RBMS3: variants seen among roughly 807,000 people sequenced by gnomAD.
The protein encoded by RBMS3 is RNA binding motif single stranded interacting protein 3.
In RBMS3, 27 loss-of-function variants were observed where a neutral mutation model predicts 66.8. The observed-to-expected ratio is 0.40, with a 90% confidence interval of 0.30 to 0.56. RBMS3 has a LOEUF of 0.56. Ranked by LOEUF, RBMS3 falls within the 20% of genes least tolerant of loss-of-function variation. The pLI is 0.40. For synonymous variants in RBMS3, 188 were observed against 183.0 expected (o/e 1.03, Z -0.22); for missense variants, 513 against 549.5 (o/e 0.93, Z 0.66).
chr3:29,517,284 T>C (rs1379819433), intron 3 of RBMS3, among the ~76,000 whole-genome samples: 1 of 136,382 alleles, frequency 7.3e-6, no homozygotes, highest in African/African-American at 3.2e-5. Flanking sequence ...TGTGTGTGTG[T>C]GTGTGTGTGT....
chr3:29,739,779 G>C lies in RBMS3; in HGVS notation c.459G>C (p.Glu153Asp). ...YISNLPISMD[E>D]QELENMLKPF... Reference sequence around the variant, plus strand: ...CAAATCTCCCCATTTCTATGGATGAGCAGGAGCTTGAGAATATGCTGAAAC... The same window carrying C: ...CAAATCTCCCCATTTCTATGGATGACCAGGAGCTTGAGAATATGCTGAAAC... Residue 153 changes from glutamate to aspartate, a missense_variant, in exon 5 of 15, where the codon GAG becomes GAC. Transcript: ENST00000383767. The C allele has an allele frequency of 6.2e-7, 1 of 1,613,164 alleles. No individual in the cohort carries two copies. Among genetic ancestry groups the C allele is most frequent in the Non-Finnish European group, 8.5e-7 (1 of 1,179,372 alleles).
At chr3:29,525,119 A>C (rs1273507218) in intron 3 of RBMS3, among the ~76,000 whole-genome samples, 1 of 152,108 alleles carries the variant, frequency 6.6e-6, no homozygotes, top group East Asian at 1.9e-4. Flanking sequence ...AAATACATTT[A>C]CCTTTTTTTC....
chr3:29,663,508 C>T (rs1367612419), intron 4 of RBMS3, among the ~76,000 whole-genome samples: 1 of 152,122 alleles, frequency 6.6e-6, no homozygotes, highest in African/African-American at 2.4e-5. Flanking sequence ...ATTCTTCTTA[C>T]AATTTGATAG....
At chr3:29,882,385 G>A (rs1446515043) in intron 7 of RBMS3, among the ~76,000 whole-genome samples, 1 of 152,072 alleles carries the variant, frequency 6.6e-6, no homozygotes, top group African/African-American at 2.4e-5. Flanking sequence ...CCCCCAGCTT[G>A]TCATATTATC....
intron 4 of RBMS3, among the ~76,000 whole-genome samples, chr3:29,701,687 C>A (rs114220032): frequency 6.6e-6 from 1 of 152,136 alleles, no homozygotes; most frequent in African/African-American, 2.4e-5. Flanking sequence ...GCCGGCGCCA[C>A]CGGCCTTGGG....
chr3:29,570,309 T>C (rs901425140), intron 3 of RBMS3, among the ~76,000 whole-genome samples: 9 of 152,164 alleles, frequency 5.9e-5, no homozygotes, highest in African/African-American at 2.2e-4. Context: ...TTCAAGCATT[T>C]ATCCTTTGTT....
intron 4 of RBMS3, chr3:29,698,549 T>C (rs2052382955): frequency 2.0e-6 from 2 of 985,294 alleles, no homozygotes; most frequent in South Asian, 9.4e-5. Flanking sequence ...GCGGATTCAA[T>C]GAAATAGTAT....
At chr3:29,892,759 T>G (rs1204088351) in intron 8 of RBMS3, among the ~76,000 whole-genome samples, 2 of 151,470 alleles carry the variant, frequency 1.3e-5, no homozygotes, top group African/African-American at 4.8e-5. Flanking sequence ...TATTTTGTTA[T>G]TCTGCCTAGA....
chr3:29,881,639 TC>T (rs2059739121), intron 7 of RBMS3, among the ~76,000 whole-genome samples: 1 of 152,094 alleles, frequency 6.6e-6, no homozygotes, highest in South Asian at 2.1e-4. Flanking sequence ...AAGAAGGAGG[TC>T]AACATAGATT....
At chr3:29,345,271 T>C (rs973175684) in intron 1 of RBMS3, among the ~76,000 whole-genome samples, 8 of 152,216 alleles carry the variant, frequency 5.3e-5, no homozygotes, top group Non-Finnish European at 8.8e-5. Flanking sequence ...TAATTTCCCT[T>C]GTGAAGAGAA....
At chr3:29,383,915 C>G (rs1252015122) in intron 1 of RBMS3, among the ~76,000 whole-genome samples, 1 of 152,202 alleles carries the variant, frequency 6.6e-6, no homozygotes, top group Admixed American at 6.5e-5. Flanking sequence ...GTGAAGTACT[C>G]AGCCCATAGT....
chr3:29,619,560 G>A (rs888049590), intron 4 of RBMS3, among the ~76,000 whole-genome samples: 2 of 152,166 alleles, frequency 1.3e-5, no homozygotes, highest in South Asian at 4.1e-4. Flanking sequence ...ACATGGAGAA[G>A]CAATATGCTC....
chr3:29,445,974 G>A (rs1374487449), intron 2 of RBMS3, among the ~76,000 whole-genome samples: 4 of 152,118 alleles, frequency 2.6e-5, no homozygotes, highest in Non-Finnish European at 4.4e-5. Context: ...AGGATTTGAT[G>A]AGTTTTGAAA....
At chr3:29,525,437 G>A (rs1360124734) in intron 3 of RBMS3, among the ~76,000 whole-genome samples, 3 of 152,142 alleles carry the variant, frequency 2.0e-5, no homozygotes, top group African/African-American at 7.2e-5. Flanking sequence ...CCTGTTGACC[G>A]AGTGACATCC....
intron 14 of RBMS3, among the ~76,000 whole-genome samples, chr3:29,999,556 C>T (rs1171471619): frequency 6.6e-6 from 1 of 152,144 alleles, no homozygotes; most frequent in Non-Finnish European, 1.5e-5. Flanking sequence ...GGCACATATA[C>T]ACCATGGAAT....
chr3:29,359,992 A>G (rs1429208666), intron 1 of RBMS3, among the ~76,000 whole-genome samples: 1 of 152,096 alleles, frequency 6.6e-6, no homozygotes, highest in South Asian at 2.1e-4. Context: ...CTTTTCAAAA[A>G]ACCAGCTCCT....
chr3:29,984,991 C>T (rs753916045), intron 12 of RBMS3, among the ~76,000 whole-genome samples: 11 of 152,190 alleles, frequency 7.2e-5, no homozygotes, highest in Non-Finnish European at 1.3e-4. Context: ...GCTGAAGCTG[C>T]GCCCACAGCC....
intron 4 of RBMS3, among the ~76,000 whole-genome samples, chr3:29,707,776 G>A (rs2052974981): frequency 6.6e-6 from 1 of 152,182 alleles, no homozygotes; most frequent in South Asian, 2.1e-4. Context: ...CCAAACGAGG[G>A]TAGGAATGGA....
intron 3 of RBMS3, among the ~76,000 whole-genome samples, chr3:29,580,454 G>A (rs1421604484): frequency 6.6e-6 from 1 of 152,026 alleles, no homozygotes; most frequent in East Asian, 1.9e-4. Flanking sequence ...GACCAGAGCT[G>A]TACACCCTAA....
Sources: gnomAD v4.1 joint callset for allele counts (sites outside exome capture counted in the v4.1 genomes callset) on GRCh38, gnomAD v4.1.1 for gene constraint, MANE v1.5 for transcripts, NCBI Gene and HGNC (gene_info 2026-07-23, HGNC 2026-07-21) for gene names.